Variants in ZBTB20 observed in about 807,000 individuals in gnomAD.
ZBTB20 encodes the protein zinc finger and BTB domain-containing protein 20.
Under a neutral mutation model 56.9 loss-of-function variants are expected in ZBTB20, and 9 were observed. That is an observed-to-expected ratio of 0.16 (90% CI 0.10 to 0.28). ZBTB20 has a LOEUF of 0.28. ZBTB20 is among the 10% of genes least tolerant of loss of function. The pLI, the probability that ZBTB20 is intolerant of heterozygous loss-of-function variation, is 1.00. For synonymous variants in ZBTB20, 417 were observed against 420.7 expected (o/e 0.99, Z 0.11); for missense variants, 655 against 1,003.0 (o/e 0.65, Z 4.69).
At chr3:114,991,323 T>C (rs2078799754) in intron 2 of ZBTB20, among the ~76,000 whole-genome samples, 1 of 152,158 alleles carries the variant, frequency 6.6e-6, no homozygotes. Context: ...TCTCATTGGT[T>C]TCAAAGAACA....
Position 114,807,497 on chromosome 3 carries a change from C to T in ZBTB20, c.-416-6323G>A, listed in dbSNP as rs866882611. 3.3e-5 allele frequency among the ~76,000 whole-genome samples: 5 copies of T among 150,098 alleles called. No individual in the cohort carries two copies. In the Admixed American group the frequency reaches 3.3e-4, roughly 10 times the overall value. On this transcript the variant is annotated intron_variant, in intron 4 of 11. Coordinates refer to ENST00000675478, the MANE Select transcript of ZBTB20 (RefSeq NM_001348800.3). ...AATTTGCTTCTCTCTCTCTTTCTTA[C>T]ATGTATTTATCATTCTGCACTGGAT...
At chr3:114,463,068 T>TA (rs1236072180) in intron 7 of ZBTB20, among the ~76,000 whole-genome samples, 2 of 152,336 alleles carry the variant, frequency 1.3e-5, no homozygotes, top group East Asian at 3.9e-4. Context: ...CTGCACCTTT[T>TA]AAGAGCTCTG....
At chr3:114,933,816 T>G (rs1330782410) in intron 3 of ZBTB20, among the ~76,000 whole-genome samples, 2 of 152,210 alleles carry the variant, frequency 1.3e-5, no homozygotes, top group Non-Finnish European at 2.9e-5. Flanking sequence ...TTTAGTATAT[T>G]TTACATCTAT....
chr3:114,603,858 C>G (rs1461927737), intron 6 of ZBTB20, among the ~76,000 whole-genome samples: 1 of 151,548 alleles, frequency 6.6e-6, no homozygotes, highest in African/African-American at 2.4e-5. Flanking sequence ...CGTCTTTTAC[C>G]AATACAATTG....
chr3:114,982,497 A>AATTC (rs1294295058), intron 2 of ZBTB20, among the ~76,000 whole-genome samples: 18 of 152,076 alleles, frequency 1.2e-4, no homozygotes, highest in African/African-American at 3.9e-4. Flanking sequence ...AATTCCATGA[A>AATTC]GAGAAAAGGC....
At chr3:114,942,555 A>C in intron 3 of ZBTB20, among the ~76,000 whole-genome samples, 1 of 145,734 alleles carries the variant, frequency 6.9e-6, no homozygotes, top group East Asian at 1.9e-4. Flanking sequence ...TTAGCATCAT[A>C]AGAAGAACTC....
chr3:114,333,217 C>T lies in ZBTB20; in HGVS notation c.*5788G>A, dbSNP rs1412018617. Reference sequence around the variant, plus strand: ...TATAGGAACACTGAGTCACCACAGCCTTTTTTCTTGTAAAGGTTTAAGTGA... The same window carrying T: ...TATAGGAACACTGAGTCACCACAGCTTTTTTTCTTGTAAAGGTTTAAGTGA... On this transcript the variant is annotated 3_prime_UTR_variant, in exon 12 of 12. Coordinates refer to ENST00000675478, the MANE Select transcript of ZBTB20 (RefSeq NM_001348800.3). 6.6e-6 allele frequency: 1 copy of T among 152,148 alleles called. No individual in the cohort carries two copies. Among genetic ancestry groups the T allele is most frequent in the African/African-American group, 2.4e-5 (1 of 41,424 alleles). 9.4% of individuals were successfully genotyped at this position (152,148 alleles called of 1,614,324 possible).
At chr3:114,756,751 C>G (rs2068037273) in intron 5 of ZBTB20, among the ~76,000 whole-genome samples, 1 of 152,082 alleles carries the variant, frequency 6.6e-6, no homozygotes, top group Non-Finnish European at 1.5e-5. Flanking sequence ...CAGTCTGATT[C>G]TAGTAAAACT....
intron 5 of ZBTB20, among the ~76,000 whole-genome samples, chr3:114,724,878 A>C (rs180888547): frequency 1.3e-5 from 2 of 152,294 alleles, no homozygotes. Context: ...TAATTGAGCC[A>C]TAAAATAAAA....
chr3:114,411,776 A>G (rs1242765896), intron 7 of ZBTB20, among the ~76,000 whole-genome samples: 3 of 152,172 alleles, frequency 2.0e-5, no homozygotes, highest in Non-Finnish European at 4.4e-5. Context: ...TGAGTTTGTT[A>G]AAATAATATT....
intron 2 of ZBTB20, among the ~76,000 whole-genome samples, chr3:115,041,185 A>G (rs1039235108): frequency 6.6e-6 from 1 of 152,204 alleles, no homozygotes; most frequent in African/African-American, 2.4e-5. Context: ...GTCTTTAAAT[A>G]ATAATACATA....
At chr3:114,582,577 G>C (rs1036854908) in intron 6 of ZBTB20, among the ~76,000 whole-genome samples, 7 of 151,996 alleles carry the variant, frequency 4.6e-5, no homozygotes, top group Non-Finnish European at 7.4e-5. Flanking sequence ...ACAGGGTTCT[G>C]CCATGTTGGC....
At chr3:114,447,820 T>C (rs2091359735) in intron 7 of ZBTB20, among the ~76,000 whole-genome samples, 1 of 152,142 alleles carries the variant, frequency 6.6e-6, no homozygotes, top group Non-Finnish European at 1.5e-5. Flanking sequence ...ACAGGAAAGT[T>C]ATAGACCTGA....
intron 4 of ZBTB20, among the ~76,000 whole-genome samples, chr3:114,817,579 A>G (rs2073015174): frequency 6.6e-6 from 1 of 151,686 alleles, no homozygotes; most frequent in South Asian, 2.1e-4. Flanking sequence ...CTCTATATAT[A>G]CACACATGCA....
At chr3:114,759,847 T>C (rs576919458) in intron 5 of ZBTB20, among the ~76,000 whole-genome samples, 2 of 152,288 alleles carry the variant, frequency 1.3e-5, no homozygotes, top group South Asian at 4.2e-4. Context: ...TCCATTTAAC[T>C]GACAATCCAT....
intron 7 of ZBTB20, among the ~76,000 whole-genome samples, chr3:114,440,097 T>TC (rs2090811098): frequency 6.6e-6 from 1 of 152,014 alleles, no homozygotes; most frequent in Non-Finnish European, 1.5e-5. Context: ...GGTCTTACTT[T>TC]TTTTTTTTTA....
At chr3:115,141,001 T>G (rs2084797388) in intron 1 of ZBTB20, among the ~76,000 whole-genome samples, 1 of 152,144 alleles carries the variant, frequency 6.6e-6, no homozygotes. Flanking sequence ...ATTGCTATTT[T>G]TATTGATATA....
chr3:114,648,773 C>T (rs1459655627), intron 6 of ZBTB20, among the ~76,000 whole-genome samples: 1 of 151,964 alleles, frequency 6.6e-6, no homozygotes, highest in Non-Finnish European at 1.5e-5. Flanking sequence ...AGATCATTGA[C>T]ACTGTCAGAG....
intron 2 of ZBTB20, among the ~76,000 whole-genome samples, chr3:115,024,332 G>C (rs2080329709): frequency 6.6e-6 from 1 of 150,940 alleles, no homozygotes. Context: ...TTACAACCTA[G>C]GTGGAGAGGG....
Sources: allele counts gnomAD v4.1 joint callset (sites outside exome capture counted in the v4.1 genomes callset), GRCh38; gene constraint gnomAD v4.1.1; transcripts MANE v1.5; gene names NCBI Gene and HGNC (gene_info 2026-07-23, HGNC 2026-07-21).